The following MDGA2 variants were observed in gnomAD, a reference collection of about 807,000 sequenced individuals.
The protein encoded by MDGA2 is MAM domain containing glycosylphosphatidylinositol anchor 2, also known as MAM domain-containing glycosylphosphatidylinositol anchor protein 2.
A neutral mutation model predicts 117.8 loss-of-function variants in MDGA2; 40 were observed. The ratio of observed to expected loss-of-function variants is 0.34; its 90% confidence interval spans 0.26 to 0.44. The LOEUF (loss-of-function observed/expected upper bound fraction) is 0.44, where lower values mean the gene tolerates loss of function less well. Among genes scored for constraint, MDGA2 ranks in the 20% least tolerant of loss-of-function variants. The pLI is 1.00. For synonymous variants in MDGA2, 452 were observed against 439.0 expected (o/e 1.03, Z -0.37); for missense variants, 1,123 against 1,250.6 (o/e 0.90, Z 1.54).
At chr14:46,877,567 T>A in intron 11 of MDGA2, 58 bp from the exon 12 acceptor site, 1 of 1,255,930 alleles carries the variant, frequency 8.0e-7, no homozygotes, top group Non-Finnish European at 1.1e-6. Context: ...ATGGCTTGAA[T>A]GTCTTTTATA....
chr14:47,234,915 G>A (rs1298851048), intron 2 of MDGA2, among the ~76,000 whole-genome samples: 1 of 151,996 alleles, frequency 6.6e-6, no homozygotes, highest in Non-Finnish European at 1.5e-5. Flanking sequence ...TACAAAGCTG[G>A]CTTGTCTTTT....
intron 1 of MDGA2, among the ~76,000 whole-genome samples, chr14:47,539,142 C>T (rs1356412136): frequency 6.6e-6 from 1 of 152,180 alleles, no homozygotes; most frequent in Non-Finnish European, 1.5e-5. Flanking sequence ...GGAGCTTGCT[C>T]ACCAGCAGAG....
intron 2 of MDGA2, among the ~76,000 whole-genome samples, chr14:47,242,531 C>T (rs895048449): frequency 1.3e-5 from 2 of 151,840 alleles, no homozygotes; most frequent in African/African-American, 4.8e-5. Context: ...GGGCCCCGCA[C>T]TTGGAGCAGC....
rs763752651 is a variant in MDGA2 at position 47,617,954 on chromosome 14, T to C, written c.280+56563A>G. The stretch of plus-strand genomic sequence containing the variant: ...CAAACAGCTTCTTAATAAATAACTT[T>C]TTAATTAAAAAGTTTTCAATATAAG... On this transcript the variant is annotated intron_variant, in intron 1 of 16. Coordinates refer to ENST00000399232, the MANE Select transcript of MDGA2 (RefSeq NM_001113498.3). Among the ~76,000 whole-genome samples, 61 of 152,292 alleles carry C rather than the reference T, an allele frequency of 4.0e-4. 1 individual carries two copies. Among genetic ancestry groups the C allele is most frequent in the Non-Finnish European group, 7.4e-4 (50 of 68,020 alleles).
chr14:47,656,140 C>A (rs990930030), intron 1 of MDGA2, among the ~76,000 whole-genome samples: 1 of 152,144 alleles, frequency 6.6e-6, no homozygotes, highest in African/African-American at 2.4e-5. Context: ...TCCATTATAA[C>A]TAGGTTTTGT....
At chr14:47,199,570 T>C (rs2139435352) in intron 3 of MDGA2, among the ~76,000 whole-genome samples, 1 of 152,290 alleles carries the variant, frequency 6.6e-6, no homozygotes, top group African/African-American at 2.4e-5. Context: ...AAGTGATTGT[T>C]GCTCTGAGGT....
chr14:47,254,182 C>T (rs570826195), intron 2 of MDGA2, among the ~76,000 whole-genome samples: 1 of 152,218 alleles, frequency 6.6e-6, no homozygotes, highest in South Asian at 2.1e-4. Context: ...AGACATTTCC[C>T]CCACTGTCTT....
intron 3 of MDGA2, among the ~76,000 whole-genome samples, chr14:47,204,348 A>C (rs1192922567): frequency 6.6e-6 from 1 of 152,042 alleles, no homozygotes. Context: ...AAATGTGTTG[A>C]TTTATGCATA....
In MDGA2 at chr14:46,966,785, A is replaced by G. The variant is rs114999921; in HGVS notation, c.1820-9142T>C. Among the ~76,000 whole-genome samples the G allele has an allele frequency of 3.7e-3, 536 of 143,318 alleles. 4 individuals are homozygous for G. The highest frequency in any genetic ancestry group is 0.013 in the African/African-American group (507 of 39,946). The allele number at this position is 143,318 out of a possible 152,430, so 94.0% of individuals were successfully genotyped here. A position where few individuals can be genotyped will look rare whatever the true frequency, so the allele number is the denominator to read the frequency against. ...TTTTCTTTTTGTATCTACTGGCTCAAGATGTCCAGCAAGGTTTCTAAATAC... is the reference window on the plus strand; with the variant it reads ...TTTTCTTTTTGTATCTACTGGCTCAGGATGTCCAGCAAGGTTTCTAAATAC... On this transcript the variant is annotated intron_variant, in intron 8 of 16. Transcript: ENST00000399232.
At chr14:47,563,259 G>A (rs960409489) in intron 1 of MDGA2, among the ~76,000 whole-genome samples, 5 of 152,062 alleles carry the variant, frequency 3.3e-5, no homozygotes, top group Admixed American at 2.0e-4. Flanking sequence ...GGTCAATTTT[G>A]TCAAATGTCA....
At chr14:47,566,640 A>T (rs1336814850) in intron 1 of MDGA2, among the ~76,000 whole-genome samples, 1 of 151,994 alleles carries the variant, frequency 6.6e-6, no homozygotes, top group Non-Finnish European at 1.5e-5. Context: ...AGGGTTCCAG[A>T]GGTCTGTGCA....
At chr14:47,617,443 A>T (rs1896967387) in intron 1 of MDGA2, among the ~76,000 whole-genome samples, 1 of 152,052 alleles carries the variant, frequency 6.6e-6, no homozygotes, top group African/African-American at 2.4e-5. Flanking sequence ...ACCCCAGGTG[A>T]TCCACCCACC....
At chr14:47,106,133 C>T (rs1003638501) in intron 5 of MDGA2, among the ~76,000 whole-genome samples, 1 of 151,958 alleles carries the variant, frequency 6.6e-6, no homozygotes, top group Non-Finnish European at 1.5e-5. Flanking sequence ...GTTCATGGCT[C>T]ATTTGGCAGC....
At chr14:46,934,234 GC>G (rs1884697135) in intron 9 of MDGA2, among the ~76,000 whole-genome samples, 1 of 151,884 alleles carries the variant, frequency 6.6e-6, no homozygotes, top group Non-Finnish European at 1.5e-5. Flanking sequence ...CACTACTCTA[GC>G]AAGTATTTAA....
chr14:47,351,078 A>ATTTTTTTT (rs36042383), intron 1 of MDGA2, among the ~76,000 whole-genome samples: 39 of 127,942 alleles, frequency 3.0e-4, no homozygotes, highest in East Asian at 1.9e-3. Context: ...GGCCCGGCTA[A>ATTTTTTTT]TTTTTTTTTT....
chr14:47,001,084 T>C (rs944401793), intron 8 of MDGA2, among the ~76,000 whole-genome samples: 45 of 152,006 alleles, frequency 3.0e-4, no homozygotes, highest in African/African-American at 1.1e-3. Context: ...AGGAAGTCAA[T>C]TGCATTATAT....
intron 1 of MDGA2, among the ~76,000 whole-genome samples, chr14:47,637,789 C>T (rs1459863942): frequency 6.6e-6 from 1 of 152,204 alleles, no homozygotes; most frequent in Non-Finnish European, 1.5e-5. Context: ...ATACGTAATA[C>T]TAAACTTTAG....
intron 10 of MDGA2, among the ~76,000 whole-genome samples, chr14:46,907,075 C>CAAGCAATT (rs1883526640): frequency 6.7e-6 from 1 of 148,828 alleles, no homozygotes; most frequent in South Asian, 2.1e-4. Flanking sequence ...CTCCCAGGTT[C>CAAGCAATT]AAGCAATTCT....
intron 1 of MDGA2, among the ~76,000 whole-genome samples, chr14:47,550,255 G>C (rs1357266914): frequency 2.0e-5 from 3 of 152,154 alleles, no homozygotes; most frequent in Non-Finnish European, 2.9e-5. Context: ...AAGATATTTA[G>C]TGACAATTTC....
Sources: allele counts gnomAD v4.1 joint callset (sites outside exome capture counted in the v4.1 genomes callset), GRCh38; gene constraint gnomAD v4.1.1; transcripts MANE v1.5; gene names NCBI Gene and HGNC (gene_info 2026-07-23, HGNC 2026-07-21).